SORCS2: variants seen among roughly 807,000 people sequenced by gnomAD.
SORCS2 encodes sortilin related VPS10 domain containing receptor 2, also known as VPS10 domain-containing receptor SorCS2.
SORCS2 carries 100 observed loss-of-function variants against 141.6 expected under a neutral mutation model. That is an observed-to-expected ratio of 0.71 (90% CI 0.60 to 0.83). The LOEUF (loss-of-function observed/expected upper bound fraction) is 0.83. Ranked by LOEUF, SORCS2 falls within the 40% of genes least tolerant of loss-of-function variation. The pLI, the probability that SORCS2 is intolerant of heterozygous loss-of-function variation, is 0.00. For missense variants in SORCS2, 1,646 were observed against 1,560.2 expected, an observed-to-expected ratio of 1.05 and a Z score of -0.93; for synonymous variants, 789 against 676.9, an observed-to-expected ratio of 1.17 and a Z score of -2.57.
At chr4:7,377,246 A>G (rs1404606981) in intron 1 of SORCS2, among the ~76,000 whole-genome samples, 1 of 151,966 alleles carries the variant, frequency 6.6e-6, no homozygotes, top group African/African-American at 2.4e-5. Flanking sequence ...ATTCCCCAGT[A>G]GGGGTTGTTT....
At chr4:7,468,603 C>T (rs28731410) in intron 2 of SORCS2, among the ~76,000 whole-genome samples, 100,291 of 151,588 alleles carry the variant, frequency 0.66, 33,629 homozygotes, top group Non-Finnish European at 0.73. Flanking sequence ...AATGAATAAG[C>T]GTTCTTGTGC....
chr4:7,301,690 C>T (rs1444112301), intron 1 of SORCS2, among the ~76,000 whole-genome samples: 1 of 152,198 alleles, frequency 6.6e-6, no homozygotes, highest in African/African-American at 2.4e-5. Context: ...ATCTTTGTGG[C>T]CCCAGCAGAA....
At chr4:7,291,792 T>C (rs1716619491) in intron 1 of SORCS2, among the ~76,000 whole-genome samples, 1 of 152,240 alleles carries the variant, frequency 6.6e-6, no homozygotes, top group Non-Finnish European at 1.5e-5. Flanking sequence ...AATTCATCTT[T>C]ATGGACACGG....
chr4:7,549,463 G>T (rs1405921307), intron 3 of SORCS2, among the ~76,000 whole-genome samples: 1 of 151,936 alleles, frequency 6.6e-6, no homozygotes, highest in East Asian at 1.9e-4. Context: ...CAAGCCAGAG[G>T]CCCCTGAGGC....
chr4:7,481,378 G>A (rs1298302823), intron 2 of SORCS2, among the ~76,000 whole-genome samples: 1 of 152,262 alleles, frequency 6.6e-6, no homozygotes, highest in Admixed American at 6.5e-5. Context: ...GGTCAGCAGG[G>A]AAGGAAAGAG....
intron 3 of SORCS2, among the ~76,000 whole-genome samples, chr4:7,562,528 T>C (rs1224520517): frequency 6.6e-6 from 1 of 152,228 alleles, no homozygotes; most frequent in East Asian, 1.9e-4. Context: ...CTTTAAGCTT[T>C]AGGGGCATAC....
At chr4:7,357,532 G>T (rs528730607) in intron 1 of SORCS2, among the ~76,000 whole-genome samples, 3 of 152,324 alleles carry the variant, frequency 2.0e-5, no homozygotes, top group South Asian at 2.1e-4. Context: ...CGCACTTCAC[G>T]CGGAAATAAT....
chr4:7,393,063 C>T lies in SORCS2; in HGVS notation c.481-3225C>T, dbSNP rs548092506. 4.6e-5 allele frequency among the ~76,000 whole-genome samples: 7 copies of T among 152,192 alleles called. No homozygotes were observed. The East Asian group carries it at 5.8e-4, about 13-fold the overall frequency. The stretch of plus-strand genomic sequence containing the variant: ...ACTGCCTTCCCCACGGCCGGGAGGA[C>T]GGGAGGCAAGAGGATGAGACGTGGG... On this transcript the variant is annotated intron_variant, in intron 1 of 26. Coordinates refer to ENST00000507866, the MANE Select transcript of SORCS2 (RefSeq NM_020777.3).
chr4:7,405,388 A>T (rs1724902502), intron 2 of SORCS2, among the ~76,000 whole-genome samples: 1 of 152,120 alleles, frequency 6.6e-6, no homozygotes. Context: ...AATTCTGTGA[A>T]AAATGAGTTG....
chr4:7,326,576 G>A (rs558322321), intron 1 of SORCS2, among the ~76,000 whole-genome samples: 5 of 152,206 alleles, frequency 3.3e-5, no homozygotes, highest in African/African-American at 9.6e-5. Flanking sequence ...GAATCTCTTC[G>A]TCCAGGTCAA....
intron 23 of SORCS2, among the ~76,000 whole-genome samples, chr4:7,730,495 C>T (rs532397336): frequency 6.6e-6 from 1 of 152,244 alleles, no homozygotes; most frequent in African/African-American, 2.4e-5. Context: ...AAAAAGTGCT[C>T]ATCGGCTGCT....
At chr4:7,535,328 C>T (rs974663284) in intron 3 of SORCS2, among the ~76,000 whole-genome samples, 16 of 152,156 alleles carry the variant, frequency 1.1e-4, no homozygotes, top group Admixed American at 9.8e-4. Flanking sequence ...AGTTACGGTG[C>T]GGGGCCAGGA....
At chr4:7,443,790 T>C (rs1435620545) in intron 2 of SORCS2, among the ~76,000 whole-genome samples, 1 of 152,234 alleles carries the variant, frequency 6.6e-6, no homozygotes, top group Non-Finnish European at 1.5e-5. Context: ...GCATCTCCCA[T>C]GTGGCCTGGC....
Position 7,251,965 on chromosome 4 carries a change from G to A in SORCS2, c.480+58839G>A, listed in dbSNP as rs539092231. 3.3e-5 allele frequency among the ~76,000 whole-genome samples: 5 copies of A among 152,084 alleles called. No individual in the cohort carries two copies. In the South Asian group the frequency reaches 1.0e-3, roughly 32 times the overall value. ...GGGGGCAGGACCTAATGATGACAGC[G>A]GCCAGTACTTATGACACACACCCCT... On this transcript the variant is annotated intron_variant, in intron 1 of 26. Coordinates refer to ENST00000507866, the MANE Select transcript of SORCS2 (RefSeq NM_020777.3).
chr4:7,566,779 C>G (rs1411756842), intron 3 of SORCS2, among the ~76,000 whole-genome samples: 1 of 152,098 alleles, frequency 6.6e-6, no homozygotes, highest in Admixed American at 6.5e-5. Flanking sequence ...CTGGGAAATG[C>G]AGAGGGGGCA....
chr4:7,281,554 G>C (rs539999782), intron 1 of SORCS2, among the ~76,000 whole-genome samples: 1 of 152,194 alleles, frequency 6.6e-6, no homozygotes, highest in Non-Finnish European at 1.5e-5. Context: ...AAACAAGAGC[G>C]TTCCATCCTC....
intron 3 of SORCS2, among the ~76,000 whole-genome samples, chr4:7,548,871 C>T (rs1713470025): frequency 6.6e-6 from 1 of 152,260 alleles, no homozygotes; most frequent in African/African-American, 2.4e-5. Context: ...AAATCCTACT[C>T]TGCCGGATTG....
chr4:7,449,814 A>T (rs1728326472), intron 2 of SORCS2, among the ~76,000 whole-genome samples: 1 of 152,056 alleles, frequency 6.6e-6, no homozygotes, highest in Non-Finnish European at 1.5e-5. Flanking sequence ...CACTAGCCAG[A>T]CATTTCTTCA....
At chr4:7,392,949 G>C (rs554880386) in intron 1 of SORCS2, among the ~76,000 whole-genome samples, 10 of 151,810 alleles carry the variant, frequency 6.6e-5, no homozygotes, top group Admixed American at 6.6e-4. Flanking sequence ...CTTGTCACAG[G>C]CTGAGCTGGC....
Sources: gnomAD v4.1 joint callset for allele counts (sites outside exome capture counted in the v4.1 genomes callset) on GRCh38, gnomAD v4.1.1 for gene constraint, MANE v1.5 for transcripts, NCBI Gene and HGNC (gene_info 2026-07-23, HGNC 2026-07-21) for gene names.